The following COX10 variants were observed in gnomAD, a reference collection of about 807,000 sequenced individuals.
COX10 encodes cytochrome c oxidase assembly factor heme A:farnesyltransferase COX10, also known as protoheme IX farnesyltransferase, mitochondrial.
COX10 carries 27 observed loss-of-function variants against 37.3 expected under a neutral mutation model. The ratio of observed to expected loss-of-function variants is 0.72; its 90% confidence interval spans 0.53 to 1.00. The LOEUF is 1.00. Ranked by LOEUF, COX10 falls within the 50% of genes least tolerant of loss-of-function variation. COX10 has a pLI of 0.00. For synonymous variants in COX10, 222 were observed against 229.1 expected, an observed-to-expected ratio of 0.97 and a Z score of 0.28; for missense variants, 475 against 563.2, an observed-to-expected ratio of 0.84 and a Z score of 1.59.
chr17:14,104,544 G>A (rs1048236170), intron 4 of COX10, among the ~76,000 whole-genome samples: 7 of 152,000 alleles, frequency 4.6e-5, no homozygotes, highest in Non-Finnish European at 1.0e-4. Context: ...ACATATATGC[G>A]GTTGGTCTGT....
At chr17:14,074,671 C>T (rs1254519551) in intron 2 of COX10, among the ~76,000 whole-genome samples, 1 of 152,140 alleles carries the variant, frequency 6.6e-6, no homozygotes, top group Admixed American at 6.5e-5. Context: ...TGATCCTGAA[C>T]TTATTGATTA....
At chr17:14,126,750 T>C (rs1424160893) in intron 4 of COX10, among the ~76,000 whole-genome samples, 1 of 152,166 alleles carries the variant, frequency 6.6e-6, no homozygotes, top group Non-Finnish European at 1.5e-5. Context: ...GAGAATTTGC[T>C]AAATGTCCCT....
chr17:14,083,140 G>C (rs970855227), intron 3 of COX10, among the ~76,000 whole-genome samples: 1 of 152,190 alleles, frequency 6.6e-6, no homozygotes, highest in African/African-American at 2.4e-5. Context: ...CACACAGATG[G>C]AAAGGTCCCA....
chr17:14,204,699 C>A (rs1457797591), intron 6 of COX10, among the ~76,000 whole-genome samples: 1 of 152,084 alleles, frequency 6.6e-6, no homozygotes, highest in East Asian at 1.9e-4. Context: ...CCCTCACCCC[C>A]TACACACATA....
At chr17:14,126,409 G>A (rs977809692) in intron 4 of COX10, among the ~76,000 whole-genome samples, 2 of 152,092 alleles carry the variant, frequency 1.3e-5, no homozygotes, top group African/African-American at 2.4e-5. Flanking sequence ...GATGTATAAC[G>A]TATATTTTAA....
intron 4 of COX10, among the ~76,000 whole-genome samples, chr17:14,129,590 C>G (rs1326136412): frequency 6.6e-6 from 1 of 152,160 alleles, no homozygotes; most frequent in Non-Finnish European, 1.5e-5. Flanking sequence ...TTTCAGCCTT[C>G]TGTATTTTTC....
intron 6 of COX10, among the ~76,000 whole-genome samples, 176 bp from the exon 7 acceptor site, chr17:14,206,634 C>G (rs1299569627): frequency 6.6e-6 from 1 of 152,154 alleles, no homozygotes; most frequent in Non-Finnish European, 1.5e-5. Context: ...CCCCACCAGC[C>G]TGATGTAGGC....
At chr17:14,175,917 C>G (rs1465827886) in intron 5 of COX10, among the ~76,000 whole-genome samples, 2 of 151,908 alleles carry the variant, frequency 1.3e-5, no homozygotes, top group Admixed American at 6.6e-5. Context: ...ACATAATGAA[C>G]AAGGGGCAGG....
At chr17:14,164,253 C>T (rs943617368) in intron 5 of COX10, among the ~76,000 whole-genome samples, 3 of 152,138 alleles carry the variant, frequency 2.0e-5, no homozygotes, top group Non-Finnish European at 2.9e-5. Flanking sequence ...ACAGTTATAC[C>T]GCTGGCTGCA....
intron 1 of COX10, 94 bp downstream of exon 1, chr17:14,069,742 G>A: frequency 5.2e-6 from 8 of 1,538,708 alleles, no homozygotes; most frequent in Non-Finnish European, 7.1e-6. Context: ...ACCTTGGGGA[G>A]CCCTTGGCGA....
At chr17:14,137,131 G>A (rs138187042) in intron 4 of COX10, among the ~76,000 whole-genome samples, 3 of 151,852 alleles carry the variant, frequency 2.0e-5, no homozygotes, top group African/African-American at 7.2e-5. Flanking sequence ...AACTAAATTG[G>A]GAGTGCCTTT....
rs183203012 is a variant in COX10, at chr17:14,075,860, C to T, written c.178-875C>T. Among the ~76,000 whole-genome samples, 394 of 151,730 alleles carry T rather than the reference C, an allele frequency of 2.6e-3. 2 individuals carry two copies. Among genetic ancestry groups the T allele is most frequent in the African/African-American group, 9.0e-3 (373 of 41,364 alleles). ...AAAAAAAATTAGCCAGGCTTGGTGG[C>T]GGGTGCCTGTAGTCCCAACTACTTG... is the stretch of plus-strand genomic sequence containing the variant. On this transcript the variant is annotated intron_variant, in intron 2 of 6. Transcript: ENST00000261643.
At chr17:14,159,856 C>T (rs1166392405) in intron 4 of COX10, 21 bp from the exon 5 acceptor site, 3 of 1,583,300 alleles carry the variant, frequency 1.9e-6, no homozygotes, top group Admixed American at 3.4e-5. Flanking sequence ...TGTTTTCTGT[C>T]TTTTTTCATT....
Position 14,194,130 on chromosome 17 carries a change from A to G in COX10, c.928+1909A>G, listed in dbSNP as rs1399071003. Among the ~76,000 whole-genome samples the G allele has an allele frequency of 3.3e-5, 5 of 152,078 alleles. No homozygotes were observed. The East Asian group carries it at 9.7e-4, about 29-fold the overall frequency. ...AAGTATTACAGCCTTAGGGACAGGT[A>G]GTACAGGAGACTGGTATGGGCAGTT... On this transcript the variant is annotated intron_variant, in intron 6 of 6. Transcript: ENST00000261643.
intron 4 of COX10, among the ~76,000 whole-genome samples, chr17:14,156,316 C>T (rs1418427172): frequency 6.6e-6 from 1 of 152,100 alleles, no homozygotes; most frequent in Non-Finnish European, 1.5e-5. Context: ...AGCTCTGCCT[C>T]CCGGGAGGGT....
chr17:14,100,301 A>G (rs1322693600), intron 3 of COX10, among the ~76,000 whole-genome samples: 3 of 152,140 alleles, frequency 2.0e-5, no homozygotes, highest in Non-Finnish European at 4.4e-5. Flanking sequence ...ATACTGCTCT[A>G]TGCCTAGCTC....
In COX10 at chr17:14,110,095, T is replaced by C. The variant is rs147306410; in HGVS notation, c.624+7853T>C. Among the ~76,000 whole-genome samples, 127 of 152,264 alleles carry C rather than the reference T, an allele frequency of 8.3e-4. 1 individual carries two copies. In the East Asian group the frequency reaches 0.018, roughly 21 times the overall value. ...GAACCATTGATGTTCTCAGAGACTTTATTTTGGAGAAAATTACAAGAAAGG... is the reference window on the plus strand; with the variant it reads ...GAACCATTGATGTTCTCAGAGACTTCATTTTGGAGAAAATTACAAGAAAGG... On this transcript the variant is annotated intron_variant, in intron 4 of 6. Coordinates refer to ENST00000261643, the MANE Select transcript of COX10 (RefSeq NM_001303.4).
intron 3 of COX10, among the ~76,000 whole-genome samples, chr17:14,097,426 AG>A (rs1915675227): frequency 6.6e-6 from 1 of 152,062 alleles, no homozygotes; most frequent in Non-Finnish European, 1.5e-5. Flanking sequence ...TTTTAAAATT[AG>A]GTAGTATTTC....
intron 4 of COX10, among the ~76,000 whole-genome samples, chr17:14,142,144 A>C (rs1334706781): frequency 6.6e-6 from 1 of 152,236 alleles, no homozygotes; most frequent in Non-Finnish European, 1.5e-5. Context: ...GCCAGAAACT[A>C]GTATTCAAGA....
Sources: allele counts gnomAD v4.1 joint callset (sites outside exome capture counted in the v4.1 genomes callset), GRCh38; gene constraint gnomAD v4.1.1; transcripts MANE v1.5; gene names NCBI Gene and HGNC (gene_info 2026-07-23, HGNC 2026-07-21).